The following IL16 variants were observed in gnomAD, a reference collection of about 807,000 sequenced individuals.
IL16 encodes interleukin 16, also known as pro-interleukin-16.
In IL16, 67 loss-of-function variants were observed where a neutral mutation model predicts 110.1. The ratio of observed to expected loss-of-function variants is 0.61; its 90% CI spans 0.50 to 0.75. The LOEUF (loss-of-function observed/expected upper bound fraction) is 0.75, where lower values mean the gene tolerates loss of function less well. Ranked by LOEUF, IL16 falls within the 30% of genes least tolerant of loss-of-function variation. The pLI is 0.00. For synonymous variants in IL16, 689 were observed against 662.9 expected (o/e 1.04, Z -0.61); for missense variants, 1,545 against 1,655.0 (o/e 0.93, Z 1.15).
chr15:81,308,403 G>A (rs1417899052), intron 18 of IL16, among the ~76,000 whole-genome samples: 3 of 152,208 alleles, frequency 2.0e-5, no homozygotes, highest in Non-Finnish European at 4.4e-5. Context: ...CAAAGGCCAT[G>A]GAGAGCTGGA....
intron 2 of IL16, among the ~76,000 whole-genome samples, chr15:81,249,181 T>A (rs771359615): frequency 6.6e-6 from 1 of 152,218 alleles, no homozygotes; most frequent in Non-Finnish European, 1.5e-5. Context: ...CTGGTTCATA[T>A]CCTTTTGTTA....
Position 81,238,827 on chromosome 15 carries a change from G to GT in IL16, c.312+13131dup, listed in dbSNP as rs370588345. The stretch of plus-strand genomic sequence containing the variant: ...GGCCTGCTAGCAATGAATTCTTTTA[G>GT]TTTTTTTTTTTTTTTACCTGAGAAT... On this transcript the variant is annotated intron_variant, in intron 2 of 18. Transcript: ENST00000683961. Among the ~76,000 whole-genome samples, 806 of 138,052 alleles carry GT rather than the reference G, an allele frequency of 5.8e-3. 5 individuals carry two copies. Among genetic ancestry groups the GT allele is most frequent in the Middle Eastern group, 0.011 (3 of 274 alleles). 90.6% of individuals were successfully genotyped at this position (138,052 alleles called of 152,430 possible). A position where few individuals can be genotyped will look rare whatever the true frequency, so the allele number is the denominator to read the frequency against.
chr15:81,185,646 G>A (rs996090006), intron 1 of IL16, among the ~76,000 whole-genome samples: 2 of 152,204 alleles, frequency 1.3e-5, no homozygotes, highest in Non-Finnish European at 2.9e-5. Flanking sequence ...CAAGCACTGT[G>A]CTGGGCTCTG....
At position 81,297,160 on chromosome 15, in the gene IL16, G is replaced by C. The variant is rs17875503; in HGVS notation, c.2053+82G>C. 2.6e-3 allele frequency: 3,599 copies of C among 1,362,536 alleles called. 67 individuals carry two copies. In the African/African-American group the frequency reaches 0.047, roughly 18 times the overall value. 84.4% of individuals were successfully genotyped at this position (1,362,536 alleles called of 1,614,324 possible). A position where few individuals can be genotyped will look rare whatever the true frequency, so the allele number is the denominator to read the frequency against. On this transcript the variant is annotated intron_variant, in intron 13 of 18. Transcript: ENST00000683961. ...ATAAGATAAGAGCACAAATTGGCCT[G>C]AGGATCAGAGTGCTCTGCATTGACA...
At chr15:81,208,972 A>G (rs1270476556) in intron 1 of IL16, among the ~76,000 whole-genome samples, 1 of 152,236 alleles carries the variant, frequency 6.6e-6, no homozygotes, top group Non-Finnish European at 1.5e-5. Context: ...ATAGGTACTT[A>G]TATGAGAAAA....
intron 2 of IL16, among the ~76,000 whole-genome samples, chr15:81,232,245 G>C (rs183432429): frequency 6.6e-6 from 1 of 151,700 alleles, no homozygotes; most frequent in African/African-American, 2.4e-5. Context: ...TTTTGTTGTT[G>C]TTGTTTATTT....
chr15:81,216,488 G>A (rs915936025), intron 1 of IL16, among the ~76,000 whole-genome samples: 1 of 151,700 alleles, frequency 6.6e-6, no homozygotes, highest in Non-Finnish European at 1.5e-5. Flanking sequence ...TTTTCTTTTT[G>A]AAGAGCTACC....
At chr15:81,233,375 A>G (rs1897074543) in intron 2 of IL16, among the ~76,000 whole-genome samples, 2 of 151,828 alleles carry the variant, frequency 1.3e-5, no homozygotes, top group South Asian at 2.1e-4. Flanking sequence ...GCGTGTGTGT[A>G]TACTTGTTAT....
intron 6 of IL16, 124 bp downstream of exon 6, chr15:81,273,328 T>A (rs1898733909): frequency 6.4e-6 from 4 of 629,484 alleles, no homozygotes; most frequent in East Asian, 3.1e-5. Context: ...ACGGCCAGCA[T>A]GCATCCTGGG....
At chr15:81,224,617 C>T (rs1896726711) in intron 1 of IL16, among the ~76,000 whole-genome samples, 1 of 152,208 alleles carries the variant, frequency 6.6e-6, no homozygotes, top group African/African-American at 2.4e-5. Context: ...ATGTGCTCAT[C>T]CCTTTGGCAG....
At chr15:81,270,915 A>AT (rs1898604264) in intron 5 of IL16, among the ~76,000 whole-genome samples, 1 of 152,236 alleles carries the variant, frequency 6.6e-6, no homozygotes, top group African/African-American at 2.4e-5. Flanking sequence ...CTATCTGGCG[A>AT]TAAAACCTAC....
chr15:81,299,483 C>A lies in IL16; in HGVS notation c.2157C>A (p.Asp719Glu), dbSNP rs774978930. 36 of 1,614,064 alleles carry A rather than the reference C, an allele frequency of 2.2e-5. No homozygotes were observed. The highest frequency in any genetic ancestry group is 3.0e-5 in the Non-Finnish European group (35 of 1,180,046). The part of the protein sequence containing the change: ...TAEDPWVRIS[D>E]CIKNLFSPIM... Reference sequence around the variant, plus strand: ...AAGACCCTTGGGTTAGGATTTCTGACTGCATCAAAAACTTATTTAGCCCCA... The same window carrying A: ...AAGACCCTTGGGTTAGGATTTCTGAATGCATCAAAAACTTATTTAGCCCCA... Residue 719 changes from aspartate (D) to glutamate (E), a missense_variant, in exon 14 of 19, where the codon GAC (aspartate) becomes GAA (glutamate). Around this residue, in one of 3 missense-constraint regions of IL16, gnomAD observed 1,185 missense variants for 1,238.8 expected, o/e 0.96. Transcript: ENST00000683961.
At chr15:81,227,305 A>T (rs1423201256) in intron 2 of IL16, among the ~76,000 whole-genome samples, 1 of 152,208 alleles carries the variant, frequency 6.6e-6, no homozygotes, top group Non-Finnish European at 1.5e-5. Context: ...ATGAAGACAT[A>T]TTAAGCAGGA....
chr15:81,256,064 C>G (rs1483677693), intron 2 of IL16, among the ~76,000 whole-genome samples: 3 of 152,200 alleles, frequency 2.0e-5, no homozygotes, highest in African/African-American at 7.2e-5. Flanking sequence ...CCCAAACCCA[C>G]TCTTGCTAAT....
upstream of IL16, among the ~76,000 whole-genome samples, chr15:81,195,890 G>A (rs1397249002): frequency 1.3e-5 from 2 of 152,018 alleles, no homozygotes; most frequent in Non-Finnish European, 2.9e-5. Flanking sequence ...TGGGGGAAAG[G>A]CACTCTGGTC....
chr15:81,223,183 C>T (rs185287345), intron 1 of IL16, among the ~76,000 whole-genome samples: 10 of 152,166 alleles, frequency 6.6e-5, no homozygotes, highest in South Asian at 2.1e-4. Context: ...AAAAGGCAGA[C>T]CTGATACAAC....
intron 2 of IL16, among the ~76,000 whole-genome samples, chr15:81,248,003 T>C (rs1218447515): frequency 6.6e-6 from 1 of 152,242 alleles, no homozygotes; most frequent in Non-Finnish European, 1.5e-5. Flanking sequence ...TTTTGTCTGC[T>C]TGATCTATCA....
At chr15:81,244,050 C>T (rs1243808211) in intron 2 of IL16, among the ~76,000 whole-genome samples, 2 of 152,088 alleles carry the variant, frequency 1.3e-5, no homozygotes, top group African/African-American at 4.8e-5. Context: ...ATTATATAGA[C>T]ATAACTCATT....
chr15:81,297,179 A>T, intron 13 of IL16, 101 bp downstream of exon 13: 2 of 1,155,642 alleles, frequency 1.7e-6, no homozygotes, highest in Non-Finnish European at 2.4e-6. Flanking sequence ...AGTGCTCTGC[A>T]TTGACATCAC....
Sources: allele counts gnomAD v4.1 joint callset (sites outside exome capture counted in the v4.1 genomes callset), GRCh38; gene constraint gnomAD v4.1.1; regional missense constraint gnomAD v4.1.1; transcripts MANE v1.5; gene names NCBI Gene and HGNC (gene_info 2026-07-23, HGNC 2026-07-21).